SNX30: variants seen among roughly 807,000 people sequenced by gnomAD.
SNX30 encodes the protein sorting nexin-30.
A neutral mutation model predicts 46.4 loss-of-function variants in SNX30; 24 were observed. The ratio of observed to expected loss-of-function variants is 0.52; its 90% CI spans 0.37 to 0.73. SNX30 has a LOEUF of 0.73. Ranked by LOEUF, SNX30 falls within the 30% of genes least tolerant of loss-of-function variation. The pLI is 0.00. For missense variants in SNX30, 533 were observed against 555.7 expected (o/e 0.96, Z 0.41); for synonymous variants, 189 against 211.5 (o/e 0.89, Z 0.92).
intron 4 of SNX30, among the ~76,000 whole-genome samples, chr9:112,832,174 TC>T (rs147002332): frequency 3.3e-5 from 5 of 151,926 alleles, no homozygotes; most frequent in African/African-American, 4.8e-5. Context: ...CCAGAGGCTT[TC>T]CCCCCCTACA....
intron 2 of SNX30, among the ~76,000 whole-genome samples, chr9:112,807,436 A>G (rs1348298973): frequency 2.6e-5 from 4 of 152,146 alleles, no homozygotes; most frequent in Non-Finnish European, 5.9e-5. Context: ...GCACATGCAT[A>G]GTCTTACCCC....
chr9:112,794,270 A>C (rs1042051615), intron 1 of SNX30, among the ~76,000 whole-genome samples: 1 of 152,046 alleles, frequency 6.6e-6, no homozygotes, highest in Non-Finnish European at 1.5e-5. Flanking sequence ...CTCCTGCCTC[A>C]GCCTCCTGAG....
In SNX30 at chr9:112,830,717, C is replaced by T. The variant is rs1440300526; in HGVS notation, c.460-8C>T. 5 of 1,604,502 alleles carry T rather than the reference C, an allele frequency of 3.1e-6. No individual in the cohort carries two copies. Among genetic ancestry groups the T allele is most frequent in the African/African-American group, 1.4e-5 (1 of 74,056 alleles). Reference sequence around the variant, plus strand: ...ATTACTCTGGTTTTTTTCTTCATGTCTTCATAGCCTCTTCCCGAGAAGTTT... The same window carrying T: ...ATTACTCTGGTTTTTTTCTTCATGTTTTCATAGCCTCTTCCCGAGAAGTTT... On this transcript the variant is annotated splice_region_variant and splice_polypyrimidine_tract_variant and intron_variant, in intron 3 of 8. Coordinates refer to ENST00000374232, the MANE Select transcript of SNX30 (RefSeq NM_001012994.2).
intron 8 of SNX30, among the ~76,000 whole-genome samples, chr9:112,867,269 C>G (rs1277931027): frequency 6.7e-6 from 1 of 148,532 alleles, no homozygotes; most frequent in African/African-American, 2.5e-5. Flanking sequence ...CCTCAGAACT[C>G]CTGCCTCCTC....
chr9:112,840,659 T>C (rs1840840151), intron 6 of SNX30, among the ~76,000 whole-genome samples: 2 of 152,142 alleles, frequency 1.3e-5, no homozygotes, highest in Admixed American at 1.3e-4. Flanking sequence ...CTAATTTTTG[T>C]ATTTTTAGTA....
chr9:112,817,424 T>TTTTTTTTTTTTTTTTTG (rs1840417500), intron 2 of SNX30, among the ~76,000 whole-genome samples: 1 of 99,224 alleles, frequency 1.0e-5, no homozygotes, highest in East Asian at 2.5e-4. Flanking sequence ...TTTTTTTTTT[T>TTTTTTTTTTTTTTTTTG]TTTTTTTGAG....
At position 112,762,148 on chromosome 9, in the gene SNX30, A is replaced by T. The variant is rs141937564; in HGVS notation, c.156+10991A>T. ...CATTAGAGGACTCATATGCTGTCTT[A>T]TGTCTGCCTTGCCCCATAGAATTCT... is the stretch of plus-strand genomic sequence containing the variant. On this transcript the variant is annotated intron_variant, in intron 1 of 8. Transcript: ENST00000374232. Among the ~76,000 whole-genome samples the T allele has an allele frequency of 8.6e-4, 131 of 152,232 alleles. 1 individual carries two copies. Among genetic ancestry groups the T allele is most frequent in the African/African-American group, 3.0e-3 (124 of 41,532 alleles).
chr9:112,798,405 T>G (rs1588120506), intron 1 of SNX30, among the ~76,000 whole-genome samples: 2 of 10,796 alleles, frequency 1.9e-4, no homozygotes, highest in East Asian at 3.8e-3. Context: ...TGCGATAGTT[T>G]ACTGAGAATG....
intron 2 of SNX30, among the ~76,000 whole-genome samples, 164 bp downstream of exon 2, chr9:112,805,131 A>G (rs1840205477): frequency 6.6e-6 from 1 of 152,200 alleles, no homozygotes; most frequent in Admixed American, 6.5e-5. Context: ...TTCAGATGAA[A>G]AGGATTATAT....
intron 6 of SNX30, among the ~76,000 whole-genome samples, chr9:112,848,381 C>T (rs1369003961): frequency 1.3e-5 from 2 of 152,120 alleles, no homozygotes; most frequent in African/African-American, 4.8e-5. Context: ...AAAGGTGTCC[C>T]AATGAGGGTG....
intron 1 of SNX30, among the ~76,000 whole-genome samples, chr9:112,753,216 T>C (rs1293006905): frequency 1.2e-4 from 18 of 152,136 alleles, no homozygotes; most frequent in Admixed American, 1.1e-3. Flanking sequence ...GATACCTGAC[T>C]CAGAAGTATG....
intron 1 of SNX30, among the ~76,000 whole-genome samples, chr9:112,763,665 A>C (rs1839480908): frequency 6.6e-6 from 1 of 152,034 alleles, no homozygotes; most frequent in African/African-American, 2.4e-5. Context: ...CCTGGCCAAC[A>C]TGGTGAAACC....
chr9:112,814,710 C>G (rs1322523380), intron 2 of SNX30, among the ~76,000 whole-genome samples: 2 of 152,120 alleles, frequency 1.3e-5, no homozygotes, highest in African/African-American at 4.8e-5. Context: ...ATAACTAGTT[C>G]CTGAGAATAC....
intron 2 of SNX30, among the ~76,000 whole-genome samples, chr9:112,814,776 T>C (rs1442430207): frequency 6.6e-6 from 1 of 152,240 alleles, no homozygotes; most frequent in Non-Finnish European, 1.5e-5. Context: ...TTAAAAAGTA[T>C]ATGTACACTT....
In SNX30 at chr9:112,768,647, C is replaced by CTTCTTCTT. The variant is rs1554748345; in HGVS notation, c.156+17492_156+17493insCTTCTTTT. On this transcript the variant is annotated intron_variant, in intron 1 of 8. Transcript: ENST00000374232. ...AAGTTTCTCTAGATAATTCTTTCTT[C>CTTCTTCTT]TTTTTTTTTTTTTTTTTTTTTTTTT... 1.0e-3 allele frequency among the ~76,000 whole-genome samples: 66 copies of CTTCTTCTT among 64,358 alleles called. 4 individuals are homozygous for CTTCTTCTT. The highest frequency in any genetic ancestry group is 1.3e-3 in the African/African-American group (24 of 18,786). 42.2% of individuals were successfully genotyped at this position (64,358 alleles called of 152,430 possible).
Position 112,868,009 on chromosome 9 carries a change from G to C in SNX30, c.1255-775G>C, listed in dbSNP as rs370200183. 1.1e-4 allele frequency among the ~76,000 whole-genome samples: 16 copies of C among 152,342 alleles called. No individual in the cohort carries two copies. The East Asian group carries it at 2.1e-3, about 20-fold the overall frequency. On this transcript the variant is annotated intron_variant, in intron 8 of 8. Coordinates refer to ENST00000374232, the MANE Select transcript of SNX30 (RefSeq NM_001012994.2). ...TTCTTGGCCTTTCACAAGGATCTGG[G>C]ATGAAAAGAGGTTGGTGTAGTGGAG...
chr9:112,842,069 G>A (rs1051806958), intron 6 of SNX30, among the ~76,000 whole-genome samples: 1 of 152,168 alleles, frequency 6.6e-6, no homozygotes, highest in Non-Finnish European at 1.5e-5. Context: ...TCAGGCTCCC[G>A]AGTAGCTGGG....
rs982224276 is a variant in SNX30, at chr9:112,751,159, T to C, written c.156+2T>C. 2 of 1,499,790 alleles carry C rather than the reference T, an allele frequency of 1.3e-6. No individual in the cohort carries two copies. Among genetic ancestry groups the C allele is most frequent in the African/African-American group, 1.4e-5 (1 of 70,096 alleles). 92.9% of individuals were successfully genotyped at this position (1,499,790 alleles called of 1,614,324 possible). ...ATGGCCCGCAGCTTCGGTGACAAGG[T>C]GGGGCGCCTGGGGCCGGGGAGTGGG... is the stretch of plus-strand genomic sequence containing the variant. On this transcript the variant is annotated splice_donor_variant, in intron 1 of 8. Transcript: ENST00000374232. LOFTEE classifies it high-confidence loss of function.
At chr9:112,830,945 A>G in intron 4 of SNX30, 62 bp downstream of exon 4, 1 of 1,508,880 alleles carries the variant, frequency 6.6e-7, no homozygotes, top group Non-Finnish European at 8.9e-7. Flanking sequence ...CTTTCCTAAA[A>G]GCTGTTTTGA....
Sources: allele counts gnomAD v4.1 joint callset (sites outside exome capture counted in the v4.1 genomes callset), GRCh38; gene constraint gnomAD v4.1.1; transcripts MANE v1.5; gene names NCBI Gene and HGNC (gene_info 2026-07-23, HGNC 2026-07-21).